SGCZ: variants seen among roughly 807,000 people sequenced by gnomAD.
SGCZ encodes the protein zeta-sarcoglycan.
SGCZ carries 40 observed loss-of-function variants against 41.3 expected under a neutral mutation model. The ratio of observed to expected loss-of-function variants is 0.97; its 90% CI spans 0.75 to 1.26. The LOEUF is 1.26. SGCZ is among the 50% of genes most tolerant of loss of function. The probability of loss-of-function intolerance (pLI) is 0.00; values close to 1 mark genes in which losing one functional copy is unlikely to be tolerated. For missense variants in SGCZ, 552 were observed against 369.8 expected, an observed-to-expected ratio of 1.49 and a Z score of -4.04; for synonymous variants, 206 against 137.5, an observed-to-expected ratio of 1.50 and a Z score of -3.49.
chr8:14,417,486 C>G (rs1799525100), intron 2 of SGCZ, among the ~76,000 whole-genome samples: 2 of 151,732 alleles, frequency 1.3e-5, no homozygotes, highest in Admixed American at 6.6e-5. Context: ...CAGTTGATTA[C>G]TTGGTCAAAT....
intron 1 of SGCZ, among the ~76,000 whole-genome samples, chr8:14,945,940 T>G (rs564041938): frequency 2.2e-5 from 3 of 138,904 alleles, no homozygotes; most frequent in African/African-American, 5.4e-5. Context: ...AGATTGCAGA[T>G]AGGCCTCTCA....
At chr8:14,768,908 C>T (rs1030003822) in intron 1 of SGCZ, among the ~76,000 whole-genome samples, 4 of 151,936 alleles carry the variant, frequency 2.6e-5, no homozygotes, top group East Asian at 3.9e-4. Context: ...ACAAATCAGA[C>T]GAATATCCAG....
At chr8:14,137,849 A>C (rs13264989) in intron 5 of SGCZ, among the ~76,000 whole-genome samples, 53,291 of 151,928 alleles carry the variant, frequency 0.35, 11,841 homozygotes, top group Non-Finnish European at 0.5. Context: ...GATACTCCTC[A>C]AGAAGAGCAA....
intron 1 of SGCZ, among the ~76,000 whole-genome samples, chr8:14,708,311 G>C (rs575553474): frequency 8.7e-4 from 132 of 152,010 alleles, no homozygotes; most frequent in African/African-American, 3.0e-3. Context: ...TTTATGCACA[G>C]AAATCTCTTG....
chr8:14,368,626 T>A (rs1765771788), intron 2 of SGCZ, among the ~76,000 whole-genome samples: 1 of 151,206 alleles, frequency 6.6e-6, no homozygotes, highest in South Asian at 2.1e-4. Flanking sequence ...AGGCAGAGAG[T>A]TTTTTGAAAG....
At chr8:15,225,383 G>T (rs1801735066) in intron 1 of SGCZ, among the ~76,000 whole-genome samples, 1 of 152,278 alleles carries the variant, frequency 6.6e-6, no homozygotes, top group East Asian at 1.9e-4. Flanking sequence ...AAGAAAAGAA[G>T]ATGTATTTCA....
intron 1 of SGCZ, among the ~76,000 whole-genome samples, chr8:14,558,329 C>T (rs1804095573): frequency 6.6e-6 from 1 of 152,210 alleles, no homozygotes; most frequent in Non-Finnish European, 1.5e-5. Flanking sequence ...AATCTCAGTA[C>T]TTTTGGAAGC....
chr8:14,994,202 C>A (rs1802127077), intron 1 of SGCZ, among the ~76,000 whole-genome samples: 1 of 152,206 alleles, frequency 6.6e-6, no homozygotes. Flanking sequence ...CATTTGGTCT[C>A]ATCATGGGCT....
chr8:14,914,496 G>A (rs2130781755), intron 1 of SGCZ, among the ~76,000 whole-genome samples: 1 of 151,558 alleles, frequency 6.6e-6, no homozygotes, highest in Non-Finnish European at 1.5e-5. Flanking sequence ...ATACTATTTG[G>A]CAAAAGGTCG....
intron 1 of SGCZ, among the ~76,000 whole-genome samples, chr8:15,048,527 G>A (rs1477150745): frequency 6.6e-6 from 1 of 151,980 alleles, no homozygotes. Context: ...TGAGGAAATG[G>A]AAATTCCAAT....
At chr8:14,916,931 C>CA (rs1340781076) in intron 1 of SGCZ, among the ~76,000 whole-genome samples, 2 of 152,016 alleles carry the variant, frequency 1.3e-5, no homozygotes, top group Admixed American at 1.3e-4. Flanking sequence ...TATTGTTACT[C>CA]AGCGTCAGAG....
chr8:14,542,823 T>C (rs1585064068), intron 2 of SGCZ, among the ~76,000 whole-genome samples: 1 of 152,238 alleles, frequency 6.6e-6, no homozygotes, highest in African/African-American at 2.4e-5. Flanking sequence ...GAAACAGCCA[T>C]CATTTTTAGA....
chr8:14,183,044 C>T (rs988778322), intron 4 of SGCZ, among the ~76,000 whole-genome samples: 9 of 149,378 alleles, frequency 6.0e-5, no homozygotes, highest in Non-Finnish European at 1.0e-4. Flanking sequence ...ACTAATGTGT[C>T]GTAAAGTTGA....
intron 1 of SGCZ, among the ~76,000 whole-genome samples, chr8:15,163,732 T>C (rs1345143429): frequency 6.6e-6 from 1 of 152,232 alleles, no homozygotes; most frequent in Non-Finnish European, 1.5e-5. Flanking sequence ...TCTTAAATAT[T>C]TCTTTATTAT....
In SGCZ at chr8:14,657,388, G is replaced by A. The variant is rs150635086; in HGVS notation, c.40-102462C>T. 3.2e-3 allele frequency among the ~76,000 whole-genome samples: 480 copies of A among 151,916 alleles called. 7 individuals are homozygous for A. Among genetic ancestry groups the A allele is most frequent in the African/African-American group, 0.011 (453 of 41,380 alleles). ...AGCATAACTATATATGCATCAATAC[G>A]CATATTTGACAGCTAATATTAAAAT... is the stretch of plus-strand genomic sequence containing the variant. On this transcript the variant is annotated intron_variant, in intron 1 of 7. Coordinates refer to ENST00000382080, the MANE Select transcript of SGCZ (RefSeq NM_139167.4).
chr8:15,128,517 C>G (rs1468849341), intron 1 of SGCZ, among the ~76,000 whole-genome samples: 1 of 152,230 alleles, frequency 6.6e-6, no homozygotes, highest in East Asian at 1.9e-4. Context: ...CTGATTGTCC[C>G]TCCAGACTCT....
chr8:14,632,274 CA>C (rs1402494371), intron 1 of SGCZ, among the ~76,000 whole-genome samples: 1 of 152,094 alleles, frequency 6.6e-6, no homozygotes, highest in African/African-American at 2.4e-5. Flanking sequence ...TCTCCCACAT[CA>C]GCCTCCCAAA....
chr8:14,486,815 T>G (rs1801688918), intron 2 of SGCZ, among the ~76,000 whole-genome samples: 1 of 152,170 alleles, frequency 6.6e-6, no homozygotes, highest in Non-Finnish European at 1.5e-5. Flanking sequence ...GCCACCACAC[T>G]TGGGCTGTGA....
chr8:14,606,427 T>C (rs1451606299), intron 1 of SGCZ, among the ~76,000 whole-genome samples: 1 of 152,168 alleles, frequency 6.6e-6, no homozygotes, highest in African/African-American at 2.4e-5. Flanking sequence ...AGATCAAAAC[T>C]CTTAGTGCAA....
Sources: gnomAD v4.1 joint callset for allele counts (sites outside exome capture counted in the v4.1 genomes callset) on GRCh38, gnomAD v4.1.1 for gene constraint, MANE v1.5 for transcripts, NCBI Gene and HGNC (gene_info 2026-07-23, HGNC 2026-07-21) for gene names.